SRFBP1: variants seen among roughly 807,000 people sequenced by gnomAD.
The protein encoded by SRFBP1 is serum response factor binding protein 1, also known as serum response factor-binding protein 1.
In SRFBP1, 47 loss-of-function variants were observed where a neutral mutation model predicts 45.5. That is an observed-to-expected ratio of 1.03 (90% CI 0.82 to 1.32). SRFBP1 has a LOEUF of 1.32. Ranked by LOEUF, SRFBP1 falls within the 40% of genes most tolerant of loss-of-function variation. The probability of loss-of-function intolerance (pLI) is 0.00; values close to 1 mark genes in which losing one functional copy is unlikely to be tolerated. For synonymous variants in SRFBP1, 203 were observed against 166.3 expected (o/e 1.22, Z -1.70); for missense variants, 621 against 484.6 (o/e 1.28, Z -2.64).
downstream of SRFBP1, among the ~76,000 whole-genome samples, chr5:122,032,140 G>T (rs1753598278): frequency 6.6e-6 from 1 of 152,090 alleles, no homozygotes; most frequent in South Asian, 2.1e-4. Flanking sequence ...AATTTAAAAA[G>T]ATATATATAA....
chr5:122,026,898 T>A (rs771572739), intron 7 of SRFBP1, 44 bp from the exon 8 acceptor site: 14 of 1,349,458 alleles, frequency 1.0e-5, no homozygotes, highest in Non-Finnish European at 1.4e-5. Context: ...TCCTATATGC[T>A]CTTTAAGTAT....
intron 6 of SRFBP1, 152 bp downstream of exon 6, chr5:122,020,954 T>A (rs1052008226): frequency 1.6e-6 from 1 of 636,170 alleles, no homozygotes; most frequent in Non-Finnish European, 2.5e-6. Flanking sequence ...TAGTGGGGTA[T>A]TAGGTACAGA....
intron 4 of SRFBP1, among the ~76,000 whole-genome samples, chr5:122,012,871 C>A (rs1753122437): frequency 6.6e-6 from 1 of 151,962 alleles, no homozygotes; most frequent in Non-Finnish European, 1.5e-5. Flanking sequence ...TTGGTAATAT[C>A]CTCATTATCA....
At chr5:122,056,902 A>G (rs1042999930) in intron 2 of SRFBP1, among the ~76,000 whole-genome samples, 1 of 152,208 alleles carries the variant, frequency 6.6e-6, no homozygotes, top group Non-Finnish European at 1.5e-5. Context: ...AGAGGAAAGA[A>G]TACATGAAAA....
intron 4 of SRFBP1, among the ~76,000 whole-genome samples, chr5:122,016,287 TTTAGGGGAG>T (rs1281114739): frequency 2.0e-5 from 3 of 152,240 alleles, no homozygotes; most frequent in Non-Finnish European, 4.4e-5. Context: ...CCTTCCTCAT[TTTAGGGGAG>T]CCAGTAGCTT....
At chr5:122,015,757 T>A (rs764496288) in intron 4 of SRFBP1, among the ~76,000 whole-genome samples, 11 of 152,118 alleles carry the variant, frequency 7.2e-5, no homozygotes, top group Non-Finnish European at 1.5e-4. Context: ...ATTCCTTTCC[T>A]GCTTCAATTG....
intron 2 of SRFBP1, among the ~76,000 whole-genome samples, chr5:122,062,329 A>T (rs1447745612): frequency 1.3e-5 from 2 of 151,978 alleles, no homozygotes; most frequent in East Asian, 3.9e-4. Flanking sequence ...TACTACGATG[A>T]AAGTGATTTA....
At chr5:122,026,781 T>C (rs889957902) in intron 7 of SRFBP1, among the ~76,000 whole-genome samples, 161 bp from the exon 8 acceptor site, 9 of 152,210 alleles carry the variant, frequency 5.9e-5, no homozygotes, top group Admixed American at 3.9e-4. Context: ...AATTTTCAAC[T>C]TCAAACTATT....
intron 2 of SRFBP1, among the ~76,000 whole-genome samples, chr5:122,053,979 G>T (rs1258154546): frequency 6.6e-6 from 1 of 152,138 alleles, no homozygotes; most frequent in African/African-American, 2.4e-5. Context: ...GGTAGTTGGA[G>T]TGGCCAGCCA....
At chr5:122,077,335 G>C, downstream of SRFBP1, 1 of 1,613,526 alleles carries the variant, frequency 6.2e-7, no homozygotes, top group Non-Finnish European at 8.5e-7. The surrounding 1 kb of genome is among the most constrained non-coding windows in gnomAD (Gnocchi z 4.9). Context: ...GGTGCTTCCA[G>C]CGGACTTGGG....
At chr5:122,067,665 C>A (rs1156389381) in intron 2 of SRFBP1, among the ~76,000 whole-genome samples, 1 of 152,134 alleles carries the variant, frequency 6.6e-6, no homozygotes, top group African/African-American at 2.4e-5. Context: ...TTCCATCTGG[C>A]TCAACTTACT....
chr5:121,966,785 TA>T (rs1394413144), intron 1 of SRFBP1, among the ~76,000 whole-genome samples: 3 of 151,386 alleles, frequency 2.0e-5, no homozygotes, highest in East Asian at 1.9e-4. Context: ...TTTTATTTTT[TA>T]TTTTTTTTTT....
At chr5:121,994,731 T>A in intron 4 of SRFBP1, 61 bp downstream of exon 4, 1 of 1,146,298 alleles carries the variant, frequency 8.7e-7, no homozygotes, top group Admixed American at 2.7e-5. Context: ...TTGCTTACTT[T>A]TTTCTTGAAG....
At chr5:121,966,523 CT>C (rs1752072891) in intron 1 of SRFBP1, among the ~76,000 whole-genome samples, 1 of 152,108 alleles carries the variant, frequency 6.6e-6, no homozygotes, top group African/African-American at 2.4e-5. Context: ...CTCCTAAATG[CT>C]TTTTTTCCTC....
At chr5:121,983,799 C>G (rs1752464093) in intron 3 of SRFBP1, among the ~76,000 whole-genome samples, 1 of 151,700 alleles carries the variant, frequency 6.6e-6, no homozygotes, top group Non-Finnish European at 1.5e-5. Flanking sequence ...AATTCTTTAA[C>G]TGGCTGCCAG....
chr5:121,983,860 AT>A (rs1752465692), intron 3 of SRFBP1, among the ~76,000 whole-genome samples: 1 of 151,664 alleles, frequency 6.6e-6, no homozygotes, highest in Admixed American at 6.6e-5. Context: ...ACTTTGTTTT[AT>A]TTTATTGTTC....
rs778712048 is a variant in SRFBP1 at position 122,026,971 on chromosome 5, A to T, written c.1135A>T (p.Asn379Tyr). The stretch of plus-strand genomic sequence containing the variant: ...TCCACAGAATGAGCCTCAGATCAAG[A>T]ATCAGTTTAATAAGAAGCTATCAGG... ...DFPQNEPQIK[N>Y]QFNKKLSGRL... The change falls in exon 8 of 8, where the codon AAT (asparagine) becomes TAT (tyrosine). Residue 379 changes from asparagine to tyrosine, a missense_variant. Asn to Tyr is a moderately radical substitution (Grantham distance 143). Transcript: ENST00000339397. The T allele has an allele frequency of 6.2e-7, 1 of 1,612,286 alleles. No homozygotes were observed. Among genetic ancestry groups the T allele is most frequent in the South Asian group, 1.1e-5 (1 of 90,584 alleles).
rs560355488 is a variant in SRFBP1 at position 122,051,519 on chromosome 5, CT to C, written n.312-23784del. ...ATCATTATGCAATACCCTTCTTTAT[CT>C]TTTTTTTTTTTAATCATTGTTGGTT... On this transcript the variant is annotated intron_variant and non_coding_transcript_variant, in intron 2 of 2. Transcript: ENST00000504881. Among the ~76,000 whole-genome samples the C allele has an allele frequency of 2.7e-3, 377 of 142,136 alleles. 1 individual carries two copies. Among genetic ancestry groups the C allele is most frequent in the African/African-American group, 4.6e-3 (181 of 39,176 alleles). 93.2% of individuals were successfully genotyped at this position (142,136 alleles called of 152,430 possible).
intron 2 of SRFBP1, among the ~76,000 whole-genome samples, chr5:122,036,993 G>C (rs963427473): frequency 3.3e-5 from 5 of 151,618 alleles, no homozygotes; most frequent in African/African-American, 1.2e-4. Context: ...CTCCCTCCCG[G>C]GTTCAAGCAA....
Sources: gnomAD v4.1 joint callset for allele counts (sites outside exome capture counted in the v4.1 genomes callset) on GRCh38, gnomAD v4.1.1 for gene constraint, Gnocchi (gnomAD v3.1) non-coding constraint, MANE v1.5 for transcripts, NCBI Gene and HGNC (gene_info 2026-07-23, HGNC 2026-07-21) for gene names.